The following DHRS4L2 variants were observed in gnomAD, a reference collection of about 807,000 sequenced individuals.
DHRS4L2 encodes dehydrogenase/reductase 4 like 2.
DHRS4L2 carries 22 observed loss-of-function variants against 23.9 expected under a neutral mutation model. That is an observed-to-expected ratio of 0.92 (90% CI 0.66 to 1.31). The LOEUF (loss-of-function observed/expected upper bound fraction) is 1.31, where lower values mean the gene tolerates loss of function less well. DHRS4L2 is among the 40% of genes most tolerant of loss of function. DHRS4L2 has a pLI of 0.00. For missense variants in DHRS4L2, 385 were observed against 303.3 expected (o/e 1.27, Z -2.00); for synonymous variants, 141 against 123.7 (o/e 1.14, Z -0.93).
intron 1 of DHRS4L2, among the ~76,000 whole-genome samples, chr14:23,974,423 A>G (rs1266079548): frequency 3.3e-5 from 5 of 151,690 alleles, no homozygotes; most frequent in Non-Finnish European, 7.4e-5. Flanking sequence ...GGTGATAGAG[A>G]CATTAAAAAA....
chr14:23,990,010 G>C (rs1188643910), intron 1 of DHRS4L2, among the ~76,000 whole-genome samples, 172 bp from the exon 2 acceptor site: 1 of 151,856 alleles, frequency 6.6e-6, no homozygotes, highest in East Asian at 1.9e-4. Flanking sequence ...AAGTAAAGCA[G>C]TGCTAAAAAT....
chr14:23,985,559 G>C (rs2034124884), upstream of DHRS4L2, among the ~76,000 whole-genome samples: 1 of 151,534 alleles, frequency 6.6e-6, no homozygotes, highest in South Asian at 2.1e-4. Context: ...AAAAGGATGA[G>C]AGTAGAGCCC....
intron 1 of DHRS4L2, among the ~76,000 whole-genome samples, chr14:23,977,044 G>A (rs2033980728): frequency 6.6e-6 from 1 of 151,738 alleles, no homozygotes; most frequent in Non-Finnish European, 1.5e-5. Flanking sequence ...CCTGATACAT[G>A]TATACCTATG....
At chr14:23,999,309 G>A (rs1357382482) in intron 3 of DHRS4L2, among the ~76,000 whole-genome samples, 5 of 113,844 alleles carry the variant, frequency 4.4e-5, no homozygotes, top group South Asian at 2.9e-4. Flanking sequence ...AAAATGGCTC[G>A]AATTAATGCA....
intron 1 of DHRS4L2, chr14:23,970,341 G>C (rs976270708): frequency 4.0e-5 from 17 of 426,318 alleles, no homozygotes; most frequent in Non-Finnish European, 7.5e-5. Flanking sequence ...AGGTAGGGTG[G>C]AGAGGGCGGT....
intron 3 of DHRS4L2, among the ~76,000 whole-genome samples, chr14:23,998,458 A>G (rs2034425504): frequency 6.7e-6 from 1 of 149,672 alleles, no homozygotes; most frequent in African/African-American, 2.4e-5. Context: ...TGTTTCATCT[A>G]CATTGAAAAT....
chr14:23,987,381 G>A (rs572999468), upstream of DHRS4L2: 32 of 199,102 alleles, frequency 1.6e-4, 1 homozygote, highest in African/African-American at 4.6e-4. Context: ...CGCCCGCCTC[G>A]GCCTCCCAAA....
chr14:23,977,739 C>A (rs1366516467), intron 1 of DHRS4L2, among the ~76,000 whole-genome samples: 1 of 151,320 alleles, frequency 6.6e-6, no homozygotes, highest in Non-Finnish European at 1.5e-5. Flanking sequence ...TGGAAAAAAA[C>A]CTCTGGCCTT....
upstream of DHRS4L2, chr14:23,988,905 C>A: frequency 6.2e-7 from 1 of 1,605,482 alleles, no homozygotes; most frequent in South Asian, 1.1e-5. Context: ...TACTCTGTCA[C>A]CTCCGCTGGA....
chr14:23,973,545 G>C (rs2033907490), intron 1 of DHRS4L2, among the ~76,000 whole-genome samples: 1 of 151,826 alleles, frequency 6.6e-6, no homozygotes, highest in Non-Finnish European at 1.5e-5. Flanking sequence ...CTCTCAAAGG[G>C]ATGGAGGAAG....
intron 3 of DHRS4L2, among the ~76,000 whole-genome samples, chr14:23,995,903 T>A (rs1237902993): frequency 6.6e-6 from 1 of 151,836 alleles, no homozygotes; most frequent in Non-Finnish European, 1.5e-5. Flanking sequence ...TTTGCATTGC[T>A]ATAAAGGAAT....
chr14:23,974,475 GAA>G (rs1485813379), intron 1 of DHRS4L2, among the ~76,000 whole-genome samples: 1 of 150,626 alleles, frequency 6.6e-6, no homozygotes, highest in Non-Finnish European at 1.5e-5. Context: ...CTGGATTTTT[GAA>G]AAGATCAACA....
intron 3 of DHRS4L2, 92 bp downstream of exon 3, chr14:23,995,225 T>G: frequency 6.8e-7 from 1 of 1,460,632 alleles, no homozygotes; most frequent in Non-Finnish European, 9.6e-7. Flanking sequence ...TCAAGGGCAG[T>G]GTAAATGTGA....
intron 3 of DHRS4L2, among the ~76,000 whole-genome samples, chr14:23,996,680 A>G (rs1377136464): frequency 1.6e-5 from 2 of 125,300 alleles, no homozygotes; most frequent in Non-Finnish European, 3.2e-5. Context: ...TCGCTGTGTC[A>G]TTGAGGCTAG....
intron 6 of DHRS4L2, 52 bp from the exon 7 acceptor site, chr14:24,004,285 A>C: frequency 6.5e-7 from 1 of 1,530,594 alleles, no homozygotes; most frequent in Non-Finnish European, 8.7e-7. Flanking sequence ...AAAAAAAAAA[A>C]AAAGAAAGGA....
intron 6 of DHRS4L2, among the ~76,000 whole-genome samples, chr14:24,004,031 G>A (rs1157234968): frequency 1.6e-5 from 2 of 125,610 alleles, no homozygotes; most frequent in Non-Finnish European, 3.1e-5. Context: ...AGCACATTGG[G>A]AGGCCGAGGC....
Position 23,990,061 on chromosome 14 carries a change from G to A in DHRS4L2, c.129-121G>A, listed in dbSNP as rs762196047. 1.9e-4 allele frequency: 279 copies of A among 1,471,120 alleles called. 4 individuals are homozygous for A. The highest frequency in any genetic ancestry group is 2.4e-4 in the Non-Finnish European group (264 of 1,091,306). The allele number at this position is 1,471,120 out of a possible 1,614,324, so 91.1% of individuals were successfully genotyped here. ...CCTGTTTTACACATAGTAGGCACAC[G>A]TAGGAGTTATATAGAGAAAGAGCCA... On this transcript the variant is annotated intron_variant, in intron 1 of 7. Coordinates refer to ENST00000335125, the MANE Select transcript of DHRS4L2 (RefSeq NM_198083.4).
intron 1 of DHRS4L2, among the ~76,000 whole-genome samples, chr14:23,977,732 A>G (rs2033993843): frequency 6.6e-6 from 1 of 151,506 alleles, no homozygotes; most frequent in African/African-American, 2.4e-5. Context: ...GACATCATGG[A>G]AAAAAACCTC....
At chr14:23,972,478 C>G (rs1198498290) in intron 1 of DHRS4L2, among the ~76,000 whole-genome samples, 2 of 151,860 alleles carry the variant, frequency 1.3e-5, no homozygotes, top group African/African-American at 4.8e-5. Flanking sequence ...GCAGTGTGGA[C>G]CCAAAGAGTG....
Sources: allele counts gnomAD v4.1 joint callset (sites outside exome capture counted in the v4.1 genomes callset), GRCh38; gene constraint gnomAD v4.1.1; transcripts MANE v1.5; gene names NCBI Gene and HGNC (gene_info 2026-07-23, HGNC 2026-07-21).